Variants in SEMA3A observed in about 807,000 individuals in gnomAD.
SEMA3A encodes the protein semaphorin-3A.
SEMA3A carries 29 observed loss-of-function variants against 97.9 expected under a neutral mutation model. The ratio of observed to expected loss-of-function variants is 0.30; its 90% CI spans 0.22 to 0.40. The LOEUF (loss-of-function observed/expected upper bound fraction) is 0.40, where lower values mean the gene tolerates loss of function less well. Ranked by LOEUF, SEMA3A falls within the 10% of genes least tolerant of loss-of-function variation. The pLI, the probability that SEMA3A is intolerant of heterozygous loss-of-function variation, is 1.00. For synonymous variants in SEMA3A, 321 were observed against 323.7 expected, an observed-to-expected ratio of 0.99 and a Z score of 0.09; for missense variants, 763 against 951.3, an observed-to-expected ratio of 0.80 and a Z score of 2.60.
intron 3 of SEMA3A, among the ~76,000 whole-genome samples, chr7:84,289,035 T>C (rs1172274030): frequency 6.6e-6 from 1 of 151,884 alleles, no homozygotes; most frequent in Non-Finnish European, 1.5e-5. Context: ...TATTCAGCTG[T>C]TAAAAAAAAA....
chr7:84,302,130 TAA>T (rs1372540580), intron 3 of SEMA3A, among the ~76,000 whole-genome samples: 1 of 152,078 alleles, frequency 6.6e-6, no homozygotes, highest in African/African-American at 2.4e-5. Flanking sequence ...CTAATACACA[TAA>T]GTCATAGATA....
intron 4 of SEMA3A, among the ~76,000 whole-genome samples, chr7:84,094,839 T>C (rs1026923973): frequency 2.6e-5 from 4 of 152,048 alleles, no homozygotes; most frequent in Non-Finnish European, 5.9e-5. Flanking sequence ...TAAATACATC[T>C]GTATATAGAA....
rs1788550595 is a variant in SEMA3A, at chr7:83,963,322, T to G, written c.1743A>C (p.Glu581Asp). The G allele has an allele frequency of 6.2e-7, 1 of 1,613,392 alleles. No homozygotes were observed. Among genetic ancestry groups the G allele is most frequent in the African/African-American group, 1.3e-5 (1 of 74,954 alleles). ...HHDNHHGHSP[E>D]ERIIYGVENS... is the part of the protein sequence containing the mutation. ...TCTCTACACCATAGATGATTCTCTCTTCAGGGCTGTGGCCATGGTGATTAT... is the reference window on the plus strand; with the variant it reads ...TCTCTACACCATAGATGATTCTCTCGTCAGGGCTGTGGCCATGGTGATTAT... Residue 581 changes from glutamate (E) to aspartate (D), a missense_variant, in exon 16 of 17, where the codon GAA becomes GAC. By Grantham distance (45) the Glu-to-Asp change is conservative. Transcript: ENST00000265362.
At chr7:84,072,028 TA>T (rs1473724191) in intron 4 of SEMA3A, among the ~76,000 whole-genome samples, 4 of 152,054 alleles carry the variant, frequency 2.6e-5, no homozygotes, top group Admixed American at 2.6e-4. Context: ...AAAATTCAAA[TA>T]TTACCAAGTT....
intron 1 of SEMA3A, among the ~76,000 whole-genome samples, chr7:84,406,167 A>G (rs1804080663): frequency 6.6e-6 from 1 of 152,198 alleles, no homozygotes; most frequent in Non-Finnish European, 1.5e-5. Flanking sequence ...CTAATAAAGA[A>G]GAAAAGAGAG....
intron 1 of SEMA3A, among the ~76,000 whole-genome samples, chr7:84,173,890 T>C (rs1207503317): frequency 6.6e-6 from 1 of 152,108 alleles, no homozygotes; most frequent in African/African-American, 2.4e-5. Context: ...CAGAACCCTA[T>C]TGTGAACTGC....
rs534655159 is a variant in SEMA3A, at chr7:84,023,628, T to C, written c.668-9277A>G. ...GTTGCAGAGCAGGGAAGGCGGAACA[T>C]ATAACCCCACTGCAGAAAAATGGCA... On this transcript the variant is annotated intron_variant, in intron 6 of 16. Transcript: ENST00000265362. 3.1e-3 allele frequency among the ~76,000 whole-genome samples: 465 copies of C among 152,206 alleles called. 2 individuals are homozygous for C. Among genetic ancestry groups the C allele is most frequent in the African/African-American group, 0.01 (433 of 41,538 alleles).
At chr7:84,218,813 A>G (rs1344490641) in intron 3 of SEMA3A, among the ~76,000 whole-genome samples, 6 of 152,078 alleles carry the variant, frequency 3.9e-5, no homozygotes, top group Admixed American at 2.6e-4. Context: ...GTGAAGACAT[A>G]CAATATTCTA....
chr7:83,985,052 A>AT (rs1032072653), intron 13 of SEMA3A, among the ~76,000 whole-genome samples: 1 of 151,952 alleles, frequency 6.6e-6, no homozygotes, highest in African/African-American at 2.4e-5. Flanking sequence ...TAAATTATAA[A>AT]TTTTTTTTAT....
chr7:84,240,597 T>A (rs1399353002), intron 3 of SEMA3A, among the ~76,000 whole-genome samples: 1 of 152,130 alleles, frequency 6.6e-6, no homozygotes, highest in Non-Finnish European at 1.5e-5. Flanking sequence ...CAAAGAAGCA[T>A]GGGACAGCTA....
chr7:84,267,287 C>T (rs77875822), intron 3 of SEMA3A, among the ~76,000 whole-genome samples: 6,875 of 152,058 alleles, frequency 0.045, 534 homozygotes, highest in African/African-American at 0.16. Context: ...CCTGAATTAC[C>T]AAAATAATAT....
At chr7:84,016,416 T>C (rs1391568122) in intron 6 of SEMA3A, among the ~76,000 whole-genome samples, 1 of 151,856 alleles carries the variant, frequency 6.6e-6, no homozygotes, top group Non-Finnish European at 1.5e-5. Context: ...CGGGCTCCTG[T>C]AGTCCCAGCT....
At chr7:84,399,357 C>T (rs904717542) in intron 1 of SEMA3A, among the ~76,000 whole-genome samples, 2 of 152,154 alleles carry the variant, frequency 1.3e-5, no homozygotes, top group Admixed American at 6.5e-5. Context: ...GACAACTAGA[C>T]CATCCTGACT....
chr7:84,363,975 A>G (rs991429072), intron 2 of SEMA3A, among the ~76,000 whole-genome samples: 11 of 151,994 alleles, frequency 7.2e-5, no homozygotes, highest in African/African-American at 2.4e-4. Context: ...TGCAGGTATG[A>G]GAACCCATCT....
intron 11 of SEMA3A, among the ~76,000 whole-genome samples, chr7:84,004,663 C>A (rs952182665): frequency 1.3e-5 from 2 of 152,082 alleles, no homozygotes; most frequent in Non-Finnish European, 2.9e-5. Context: ...TGATTGCTTA[C>A]CTAATCATTA....
chr7:84,159,713 A>AT (rs939417488), intron 1 of SEMA3A, among the ~76,000 whole-genome samples: 1 of 150,806 alleles, frequency 6.6e-6, no homozygotes, highest in Non-Finnish European at 1.5e-5. Flanking sequence ...AGAATAAACC[A>AT]TAAAAAAAAA....
intron 3 of SEMA3A, among the ~76,000 whole-genome samples, chr7:84,230,213 T>C (rs902521008): frequency 4.6e-5 from 7 of 152,002 alleles, no homozygotes; most frequent in Non-Finnish European, 8.8e-5. Context: ...TGAGTCACTC[T>C]CTCTCTTCCT....
At chr7:84,353,874 A>T in intron 2 of SEMA3A, among the ~76,000 whole-genome samples, 1 of 151,810 alleles carries the variant, frequency 6.6e-6, no homozygotes, top group Non-Finnish European at 1.5e-5. Flanking sequence ...TGTCAATTTT[A>T]TCTTCTTTTT....
At chr7:84,467,995 T>A (rs1806050302) in intron 1 of SEMA3A, among the ~76,000 whole-genome samples, 1 of 152,132 alleles carries the variant, frequency 6.6e-6, no homozygotes, top group African/African-American at 2.4e-5. Context: ...AAGCAAAATG[T>A]TTGTTGAATG....
Sources: allele counts gnomAD v4.1 joint callset (sites outside exome capture counted in the v4.1 genomes callset), GRCh38; gene constraint gnomAD v4.1.1; transcripts MANE v1.5; gene names NCBI Gene and HGNC (gene_info 2026-07-23, HGNC 2026-07-21).